TMEM151A: variants seen among roughly 807,000 people sequenced by gnomAD.
TMEM151A encodes transmembrane protein 151.
In TMEM151A, 21 loss-of-function variants were observed where a neutral mutation model predicts 33.7. The observed-to-expected ratio is 0.62, with a 90% CI of 0.44 to 0.90. The LOEUF (loss-of-function observed/expected upper bound fraction) is 0.90. Ranked by LOEUF, TMEM151A falls within the 40% of genes least tolerant of loss-of-function variation. The pLI is 0.00. For missense variants in TMEM151A, 704 were observed against 697.7 expected (o/e 1.01, Z -0.10); for synonymous variants, 374 against 330.3 (o/e 1.13, Z -1.43).
Position 66,295,660 on chromosome 11 carries a change from C to T in TMEM151A, c.*7C>T. The T allele has an allele frequency of 6.7e-7, 1 of 1,488,286 alleles. No individual in the cohort carries two copies. The highest frequency in any genetic ancestry group is 8.9e-7 in the Non-Finnish European group (1 of 1,122,646). 92.2% of individuals were successfully genotyped at this position (1,488,286 alleles called of 1,614,324 possible). On this transcript the variant is annotated 3_prime_UTR_variant, in exon 2 of 2. Transcript: ENST00000327259. ...TGGGCAGGGTGCTCTCTGAGACCCC[C>T]CACGGCCCCCAGAGTGGCCCCCTCC...
chr11:66,295,396 G>C lies in TMEM151A; in HGVS notation c.1150G>C (p.Val384Leu). The change falls in exon 2 of 2, where the codon GTC becomes CTC. Residue 384 changes from valine to leucine, a missense_variant. Val to Leu is a conservative substitution (Grantham distance 32). Coordinates refer to ENST00000327259, the MANE Select transcript of TMEM151A (RefSeq NM_153266.4). ...LRGCQRCRRSVSSNSLPPARP... is the reference protein window; with the variant it reads ...LRGCQRCRRSLSSNSLPPARP... ...AGGCTGCCAGCGCTGCCGCCGCTCT[G>C]TCAGCAGCAACTCGCTGCCCCCCGC... 1 of 1,536,036 alleles carries C rather than the reference G, an allele frequency of 6.5e-7. No individual in the cohort carries two copies. The highest frequency in any genetic ancestry group is 8.7e-7 in the Non-Finnish European group (1 of 1,143,250).
intron 1 of TMEM151A, 89 bp from the exon 2 acceptor site, chr11:66,294,233 A>G: frequency 1.3e-6 from 2 of 1,549,100 alleles, no homozygotes; most frequent in South Asian, 1.2e-5. Flanking sequence ...GGCTCACGGT[A>G]TCACCTTCCT....
Position 66,295,427 on chromosome 11 carries a change from C to T in TMEM151A, c.1181C>T (p.Pro394Leu). 2.7e-6 allele frequency: 4 copies of T among 1,483,588 alleles called. No homozygotes were observed. The highest frequency in any genetic ancestry group is 3.6e-6 in the Non-Finnish European group (4 of 1,117,848). 91.9% of individuals were successfully genotyped at this position (1,483,588 alleles called of 1,614,324 possible). ...AGCAACTCGCTGCCCCCCGCCCGGC[C>T]CAGCGGGCCCCGCCTGCCCTTCAGC... Reference protein sequence around the residue: ...VSSNSLPPARPSGPRLPFSRS... With the variant: ...VSSNSLPPARLSGPRLPFSRS... Residue 394 changes from proline (P) to leucine (L), a missense_variant, in exon 2 of 2, where the codon CCC (proline) becomes CTC (leucine). Physicochemically the swap from Pro to Leu is moderately conservative, Grantham distance 98 (BLOSUM62 -3). Coordinates refer to ENST00000327259, the MANE Select transcript of TMEM151A (RefSeq NM_153266.4).
chr11:66,295,013 G>A lies in TMEM151A; in HGVS notation c.767G>A (p.Arg256His), dbSNP rs1857498547. 6.3e-7 allele frequency: 1 copy of A among 1,596,464 alleles called. No individual in the cohort carries two copies. Among genetic ancestry groups the A allele is most frequent in the Non-Finnish European group, 8.5e-7 (1 of 1,177,956 alleles). The change falls in exon 2 of 2, where the codon CGC becomes CAC. Residue 256 changes from arginine to histidine, a missense_variant. Around this residue, in one of 3 missense-constraint regions of TMEM151A, gnomAD observed 398 missense variants for 356.0 expected, o/e 1.12. Transcript: ENST00000327259. ...NEGLDDYLEA[R>H]EGMHLKDVDF... The stretch of plus-strand genomic sequence containing the variant: ...GGCCTGGACGACTATCTGGAGGCGC[G>A]CGAGGGCATGCACCTGAAGGACGTA...
Position 66,295,306 on chromosome 11 carries a change from C to T in TMEM151A, c.1060C>T (p.Arg354Trp), listed in dbSNP as rs1432695677. ...GCTCGAGTGGCACATCTGCTCCAAC[C>T]GGCAGCTGGTGCCCAGCTACTCGGA... ...TELEWHICSNRQLVPSYSEAV... is the reference protein window; with the variant it reads ...TELEWHICSNWQLVPSYSEAV... Residue 354 changes from arginine to tryptophan, a missense_variant, in exon 2 of 2, where the codon CGG (arginine) becomes TGG (tryptophan). Arg to Trp is a moderately radical substitution (Grantham distance 101, BLOSUM62 -3). Transcript: ENST00000327259. 1.3e-6 allele frequency: 2 copies of T among 1,584,420 alleles called. No homozygotes were observed. The highest frequency in any genetic ancestry group is 8.6e-7 in the Non-Finnish European group (1 of 1,165,976).
Position 66,292,917 on chromosome 11 carries a change from T to C in TMEM151A, c.75+829T>C, listed in dbSNP as rs1186146762. On this transcript the variant is annotated intron_variant, in intron 1 of 1. Transcript: ENST00000327259. The surrounding 1 kb of genome is among the most constrained non-coding windows in gnomAD (Gnocchi z 4.7). The stretch of plus-strand genomic sequence containing the variant: ...GGGGGTGGGGAGATGTGCACTGTGG[T>C]CAGGTGAAGGTCTGGTATGTCTCTG... Among the ~76,000 whole-genome samples, 1 of 151,946 alleles carries C rather than the reference T, an allele frequency of 6.6e-6. No individual in the cohort carries two copies. The highest frequency in any genetic ancestry group is 1.5e-5 in the Non-Finnish European group (1 of 67,970).
In TMEM151A at chr11:66,292,353, G is replaced by A. The variant is rs1363560138; in HGVS notation, c.75+265G>A. 6.6e-6 allele frequency among the ~76,000 whole-genome samples: 1 copy of A among 152,144 alleles called. No homozygotes were observed. Among genetic ancestry groups the A allele is most frequent in the Non-Finnish European group, 1.5e-5 (1 of 68,020 alleles). ...GCCCGTCCTGTGACGTCAGTGCCTG[G>A]CCCCCACGCGTCCCAGTGCCGCAGC... On this transcript the variant is annotated intron_variant, in intron 1 of 1. Transcript: ENST00000327259. This position sits in a 1 kb window ranked among gnomAD's most constrained non-coding sequence, Gnocchi z 4.7.
chr11:66,292,382 G>GC lies in TMEM151A; in HGVS notation c.75+295dup, dbSNP rs1217876995. ...CCACGCGTCCCAGTGCCGCAGCGCAGCGGGGGATGCTGCCCCCACCCCCAG... is the reference window on the plus strand; with the variant it reads ...CCACGCGTCCCAGTGCCGCAGCGCAGCCGGGGGATGCTGCCCCCACCCCCAG... On this transcript the variant is annotated intron_variant, in intron 1 of 1. Coordinates refer to ENST00000327259, the MANE Select transcript of TMEM151A (RefSeq NM_153266.4). The surrounding 1 kb of genome is among the most constrained non-coding windows in gnomAD (Gnocchi z 4.7). 1.4e-4 allele frequency among the ~76,000 whole-genome samples: 21 copies of GC among 152,274 alleles called. 1 individual carries two copies. Among genetic ancestry groups the GC allele is most frequent in the African/African-American group, 4.8e-4 (20 of 41,560 alleles).
At position 66,292,912 on chromosome 11, in the gene TMEM151A, T is replaced by C. The variant is rs1419316331; in HGVS notation, c.75+824T>C. Among the ~76,000 whole-genome samples the C allele has an allele frequency of 6.6e-6, 1 of 151,934 alleles. No homozygotes were observed. The highest frequency in any genetic ancestry group is 6.6e-5 in the Admixed American group (1 of 15,250). ...CAGTGGGGGGTGGGGAGATGTGCACTGTGGTCAGGTGAAGGTCTGGTATGT... is the reference window on the plus strand; with the variant it reads ...CAGTGGGGGGTGGGGAGATGTGCACCGTGGTCAGGTGAAGGTCTGGTATGT... On this transcript the variant is annotated intron_variant, in intron 1 of 1. Coordinates refer to ENST00000327259, the MANE Select transcript of TMEM151A (RefSeq NM_153266.4). The surrounding 1 kb of genome is among the most constrained non-coding windows in gnomAD (Gnocchi z 4.7).
Position 66,292,571 on chromosome 11 carries a change from A to G in TMEM151A, c.75+483A>G, listed in dbSNP as rs2134896749. ...TCCTCGAGGTGAGGATTGAGGGCCC[A>G]TTCTGCTGGCTGGGACCCCCGACGG... On this transcript the variant is annotated intron_variant, in intron 1 of 1. Transcript: ENST00000327259. The surrounding 1 kb of genome is among the most constrained non-coding windows in gnomAD (Gnocchi z 4.7). Among the ~76,000 whole-genome samples the G allele has an allele frequency of 6.6e-6, 1 of 152,272 alleles. No homozygotes were observed. Among genetic ancestry groups the G allele is most frequent in the Admixed American group, 6.5e-5 (1 of 15,296 alleles).
In TMEM151A at chr11:66,292,073, G is replaced by T; in HGVS notation, c.60G>T (p.Glu20Asp). The change falls in exon 1 of 2, where the codon GAG (glutamate) becomes GAT (aspartate). Residue 20 changes from glutamate (E) to aspartate (D), a missense_variant. Coordinates refer to ENST00000327259, the MANE Select transcript of TMEM151A (RefSeq NM_153266.4). This position sits in a 1 kb window ranked among gnomAD's most constrained non-coding sequence, Gnocchi z 4.7. ...GEVPALIPDGEPLREEQRPLK... is the reference protein window; with the variant it reads ...GEVPALIPDGDPLREEQRPLK... ...TGCCCGCGCTCATCCCGGACGGCGA[G>T]CCGCTGCGGGAAGAGGTACCGGCGC... The T allele has an allele frequency of 6.7e-7, 1 of 1,482,888 alleles. No homozygotes were observed. Among genetic ancestry groups the T allele is most frequent in the Non-Finnish European group, 8.9e-7 (1 of 1,124,414 alleles). The allele number at this position is 1,482,888 out of a possible 1,614,324, so 91.9% of individuals were successfully genotyped here.
rs2134896195 is a variant in TMEM151A at position 66,292,066 on chromosome 11, A to G, written c.53A>G (p.Asp18Gly). Residue 18 changes from aspartate to glycine, a missense_variant, in exon 1 of 2, where the codon GAC becomes GGC. Physicochemically the swap from Asp to Gly is moderately conservative, Grantham distance 94. Around this residue, in one of 3 missense-constraint regions of TMEM151A, gnomAD observed 301 missense variants for 323.4 expected, o/e 0.93. Transcript: ENST00000327259. This position sits in a 1 kb window ranked among gnomAD's most constrained non-coding sequence, Gnocchi z 4.7. ...DGGEVPALIP[D>G]GEPLREEQRP... ...GGGGAGGTGCCCGCGCTCATCCCGG[A>G]CGGCGAGCCGCTGCGGGAAGAGGTA... 1 of 1,485,332 alleles carries G rather than the reference A, an allele frequency of 6.7e-7. No homozygotes were observed. The highest frequency in any genetic ancestry group is 8.9e-7 in the Non-Finnish European group (1 of 1,125,370). 92.0% of individuals were successfully genotyped at this position (1,485,332 alleles called of 1,614,324 possible). A position where few individuals can be genotyped will look rare whatever the true frequency, so the allele number is the denominator to read the frequency against.
rs767721223 is a variant in TMEM151A at position 66,294,664 on chromosome 11, C to T, written c.418C>T (p.Arg140Cys). Residue 140 changes from arginine (R) to cysteine (C), a missense_variant, in exon 2 of 2, where the codon CGC (arginine) becomes TGC (cysteine). Physicochemically the swap from Arg to Cys is radical, Grantham distance 180 (BLOSUM62 -3). Transcript: ENST00000327259. ...TDAHTVLALI[R>C]RLQQAPPCVW... ...CGCCCACACGGTGCTGGCGCTGATC[C>T]GCCGGCTGCAGCAGGCGCCGCCGTG... 3 of 1,601,654 alleles carry T rather than the reference C, an allele frequency of 1.9e-6. No homozygotes were observed. Among genetic ancestry groups the T allele is most frequent in the Non-Finnish European group, 1.7e-6 (2 of 1,174,758 alleles).
chr11:66,295,865 A>G lies in TMEM151A; in HGVS notation c.*212A>G. 2.4e-6 allele frequency: 1 copy of G among 421,090 alleles called. No individual in the cohort carries two copies. The highest frequency in any genetic ancestry group is 4.1e-6 in the Non-Finnish European group (1 of 243,360). 26.1% of individuals were successfully genotyped at this position (421,090 alleles called of 1,614,324 possible). ...TGGAAGCCTAAGAATCGCCCCCAGCATGGCTTCATCCCCCAAGATGGCCGA... is the reference window on the plus strand; with the variant it reads ...TGGAAGCCTAAGAATCGCCCCCAGCGTGGCTTCATCCCCCAAGATGGCCGA... On this transcript the variant is annotated 3_prime_UTR_variant, in exon 2 of 2. Transcript: ENST00000327259.
At position 66,295,434 on chromosome 11, in the gene TMEM151A, GC is replaced by G; in HGVS notation, c.1192del (p.Arg398AlafsTer25). 1.4e-6 allele frequency: 2 copies of G among 1,455,632 alleles called. No homozygotes were observed. The highest frequency in any genetic ancestry group is 1.8e-6 in the Non-Finnish European group (2 of 1,105,492). The allele number at this position is 1,455,632 out of a possible 1,614,324, so 90.2% of individuals were successfully genotyped here. On this transcript the variant is annotated frameshift_variant, in exon 2 of 2. Coordinates refer to ENST00000327259, the MANE Select transcript of TMEM151A (RefSeq NM_153266.4). LOFTEE classifies it high-confidence loss of function. ...CGCTGCCCCCCGCCCGGCCCAGCGG[GC>G]CCCGCCTGCCCTTCAGCCGCAGCCG... ...NSLPPARPSGPRLPFSRSRLS... is the reference protein window; with the variant it reads ...NSLPPARPSGXRLPFSRSRLS...
chr11:66,293,769 T>G (rs1292279473), intron 1 of TMEM151A, among the ~76,000 whole-genome samples: 3 of 152,136 alleles, frequency 2.0e-5, no homozygotes, highest in African/African-American at 7.2e-5. Context: ...AGAACCAGTT[T>G]ACAGATGAGG....
chr11:66,294,112 C>A lies in TMEM151A; in HGVS notation c.76-210C>A, dbSNP rs143263606. 3.2e-3 allele frequency among the ~76,000 whole-genome samples: 480 copies of A among 152,348 alleles called. 7 individuals are homozygous for A. The highest frequency in any genetic ancestry group is 0.011 in the African/African-American group (473 of 41,574). ...GGCACAGTGGAGGATGGGTTTGGGGCAGCGAGTCCTGGGTTTGAATATGCA... is the reference window on the plus strand; with the variant it reads ...GGCACAGTGGAGGATGGGTTTGGGGAAGCGAGTCCTGGGTTTGAATATGCA... On this transcript the variant is annotated intron_variant, in intron 1 of 1. Coordinates refer to ENST00000327259, the MANE Select transcript of TMEM151A (RefSeq NM_153266.4).
At chr11:66,294,116 G>C (rs1857483561) in intron 1 of TMEM151A, among the ~76,000 whole-genome samples, 1 of 152,248 alleles carries the variant, frequency 6.6e-6, no homozygotes, top group Non-Finnish European at 1.5e-5. Flanking sequence ...TTGGGGCAGC[G>C]AGTCCTGGGT....
Position 66,295,305 on chromosome 11 carries a change from C to T in TMEM151A, c.1059C>T (p.Asn353=). The change falls in exon 2 of 2, where the codon AAC becomes AAT. Residue 353 remains asparagine (N), a synonymous_variant. Coordinates refer to ENST00000327259, the MANE Select transcript of TMEM151A (RefSeq NM_153266.4). ...AGCTCGAGTGGCACATCTGCTCCAA[C>T]CGGCAGCTGGTGCCCAGCTACTCGG... ...FTELEWHICS[N]RQLVPSYSEA... The T allele has an allele frequency of 1.9e-6, 3 of 1,584,236 alleles. No homozygotes were observed. Among genetic ancestry groups the T allele is most frequent in the Non-Finnish European group, 2.6e-6 (3 of 1,165,908 alleles).
Sources: gnomAD v4.1 joint callset for allele counts (sites outside exome capture counted in the v4.1 genomes callset) on GRCh38, gnomAD v4.1.1 for gene constraint, gnomAD v4.1.1 regional missense constraint, Gnocchi (gnomAD v3.1) non-coding constraint, MANE v1.5 for transcripts, NCBI Gene and HGNC (gene_info 2026-07-23, HGNC 2026-07-21) for gene names.